The following ENAH variants were observed in gnomAD, a reference collection of about 807,000 sequenced individuals.
The protein encoded by ENAH is ENAH actin regulator.
A neutral mutation model predicts 78.7 loss-of-function variants in ENAH; 23 were observed. That is an observed-to-expected ratio of 0.29 (90% confidence interval 0.21 to 0.41). The LOEUF is 0.41. Among genes scored for constraint, ENAH ranks in the 10% least tolerant of loss-of-function variants. The pLI, the probability that ENAH is intolerant of heterozygous loss-of-function variation, is 1.00. For synonymous variants in ENAH, 226 were observed against 241.0 expected (o/e 0.94, Z 0.58); for missense variants, 544 against 691.0 (o/e 0.79, Z 2.39).
At chr1:225,611,060 T>A (rs1240081396) in intron 1 of ENAH, among the ~76,000 whole-genome samples, 1 of 152,178 alleles carries the variant, frequency 6.6e-6, no homozygotes, top group Non-Finnish European at 1.5e-5. Flanking sequence ...CTGGGTCAGG[T>A]GGGGTTACTC....
intron 1 of ENAH, among the ~76,000 whole-genome samples, chr1:225,570,170 CAA>C (rs397937817): frequency 1.6e-4 from 20 of 121,272 alleles, no homozygotes; most frequent in Middle Eastern, 4.7e-3. Context: ...TGCTCCATCT[CAA>C]AAAAAAAAAA....
intron 1 of ENAH, among the ~76,000 whole-genome samples, chr1:225,604,059 T>C (rs571776613): frequency 2.4e-4 from 36 of 152,226 alleles, no homozygotes; most frequent in Non-Finnish European, 4.0e-4. Flanking sequence ...ACTAGAAACT[T>C]CTAATAAGCA....
At chr1:225,544,014 G>C (rs2096601686) in intron 3 of ENAH, among the ~76,000 whole-genome samples, 1 of 152,196 alleles carries the variant, frequency 6.6e-6, no homozygotes, top group Non-Finnish European at 1.5e-5. Context: ...GCACAGCCGA[G>C]ATTAAGCTGT....
chr1:225,644,840 C>G (rs1290556479), intron 1 of ENAH, among the ~76,000 whole-genome samples: 2 of 152,136 alleles, frequency 1.3e-5, no homozygotes, highest in African/African-American at 4.8e-5. Flanking sequence ...CCTCATTCCC[C>G]AAAGACAAAA....
Position 225,620,661 on chromosome 1 carries a change from T to C in ENAH, c.5+32025A>G, listed in dbSNP as rs939454159. The stretch of plus-strand genomic sequence containing the variant: ...AGCCTGCTACTTTCTATCAGATCTA[T>C]CTTATTTTCTGAAGGTATGTTCACT... On this transcript the variant is annotated intron_variant, in intron 1 of 13. Transcript: ENST00000366843. 1.3e-5 allele frequency among the ~76,000 whole-genome samples: 2 copies of C among 152,138 alleles called. 1 individual carries two copies.
chr1:225,577,805 G>A (rs2096795499), intron 1 of ENAH, among the ~76,000 whole-genome samples: 1 of 152,158 alleles, frequency 6.6e-6, no homozygotes, highest in South Asian at 2.1e-4. Flanking sequence ...AACGTTAAAG[G>A]TTAAATACAA....
chr1:225,598,035 C>CT (rs1160573446), intron 1 of ENAH, among the ~76,000 whole-genome samples: 1 of 151,840 alleles, frequency 6.6e-6, no homozygotes, highest in Non-Finnish European at 1.5e-5. Flanking sequence ...TTCTTCACTC[C>CT]TTTTTTAAGG....
chr1:225,629,061 C>T (rs1289053372), intron 1 of ENAH, among the ~76,000 whole-genome samples: 10 of 151,514 alleles, frequency 6.6e-5, no homozygotes, highest in Non-Finnish European at 1.0e-4. Flanking sequence ...GGGCAGATAA[C>T]GAGGTCAAGA....
intron 1 of ENAH, among the ~76,000 whole-genome samples, chr1:225,596,603 TAATAA>T (rs1359854214): frequency 2.6e-5 from 4 of 152,184 alleles, no homozygotes; most frequent in African/African-American, 9.7e-5. Flanking sequence ...TATGAAACAA[TAATAA>T]AAGACTAGAA....
intron 4 of ENAH, among the ~76,000 whole-genome samples, chr1:225,521,957 G>C (rs971883685): frequency 6.6e-6 from 1 of 151,964 alleles, no homozygotes. Context: ...CACCATGCCC[G>C]GCTAATTTTT....
intron 3 of ENAH, among the ~76,000 whole-genome samples, chr1:225,536,226 G>C (rs2151294352): frequency 6.6e-6 from 1 of 151,930 alleles, no homozygotes; most frequent in Admixed American, 6.6e-5. Flanking sequence ...AGATCAAACA[G>C]CCATTTATTT....
intron 1 of ENAH, among the ~76,000 whole-genome samples, chr1:225,607,417 T>C (rs757014430): frequency 1.3e-5 from 2 of 149,232 alleles, no homozygotes; most frequent in Non-Finnish European, 3.0e-5. Context: ...ACTGACTTAG[T>C]AGGCTGAAGA....
intron 3 of ENAH, among the ~76,000 whole-genome samples, chr1:225,554,301 A>G (rs2096655747): frequency 1.3e-5 from 2 of 152,190 alleles, no homozygotes; most frequent in African/African-American, 2.4e-5. Context: ...CTTATCCTTG[A>G]CATATGTACA....
At chr1:225,653,197 T>A (rs1663377801), upstream of ENAH, 2 of 143,742 alleles carry the variant, frequency 1.4e-5, no homozygotes, top group Admixed American at 1.4e-4. The surrounding 1 kb of genome is among the most constrained non-coding windows in gnomAD (Gnocchi z 4.3). Context: ...CCTCCTCCCC[T>A]CCTTCCCCCG....
chr1:225,575,023 T>C (rs190096449), intron 1 of ENAH, among the ~76,000 whole-genome samples: 57 of 152,312 alleles, frequency 3.7e-4, no homozygotes, highest in Non-Finnish European at 4.4e-5. Context: ...TGCTATATAC[T>C]GTGTTAAGCA....
chr1:225,617,222 G>T (rs1218769015), intron 1 of ENAH, among the ~76,000 whole-genome samples: 1 of 152,128 alleles, frequency 6.6e-6, no homozygotes, highest in Non-Finnish European at 1.5e-5. Flanking sequence ...CTTATAGTTA[G>T]TTGAAATATA....
At chr1:225,593,418 T>C (rs796627289) in intron 1 of ENAH, among the ~76,000 whole-genome samples, 1 of 41,910 alleles carries the variant, frequency 2.4e-5, no homozygotes, top group Admixed American at 4.2e-4. Context: ...GGGGGGGGGG[T>C]GGGGGGTGCC....
intron 4 of ENAH, among the ~76,000 whole-genome samples, chr1:225,526,732 C>T (rs1424265661): frequency 6.6e-6 from 1 of 152,074 alleles, no homozygotes; most frequent in East Asian, 1.9e-4. Context: ...AAATAACTAC[C>T]CATTTTTATT....
chr1:225,624,955 G>A (rs925388583), intron 1 of ENAH, among the ~76,000 whole-genome samples: 1 of 152,180 alleles, frequency 6.6e-6, no homozygotes, highest in Non-Finnish European at 1.5e-5. Flanking sequence ...CTGGTGGGAT[G>A]TGAAACAGCT....
Sources: gnomAD v4.1 joint callset for allele counts (sites outside exome capture counted in the v4.1 genomes callset) on GRCh38, gnomAD v4.1.1 for gene constraint, Gnocchi (gnomAD v3.1) non-coding constraint, MANE v1.5 for transcripts, NCBI Gene and HGNC (gene_info 2026-07-23, HGNC 2026-07-21) for gene names.